Variants in ST18 observed in about 807,000 individuals in gnomAD.
ST18 encodes suppression of tumorigenicity 18 protein.
In ST18, 50 loss-of-function variants were observed where a neutral mutation model predicts 110.0. The observed-to-expected ratio is 0.45, with a 90% confidence interval of 0.36 to 0.58. ST18 has a LOEUF of 0.58. Ranked by LOEUF, ST18 falls within the 20% of genes least tolerant of loss-of-function variation. The pLI, the probability that ST18 is intolerant of heterozygous loss-of-function variation, is 0.00. For synonymous variants in ST18, 461 were observed against 452.4 expected (o/e 1.02, Z -0.24); for missense variants, 1,306 against 1,280.1 (o/e 1.02, Z -0.31).
rs756214451 is a variant in ST18 at position 52,309,520 on chromosome 8, C to CAAAAA, written c.-464-79448_-464-79444dup. ...TGGGCAACAGAGCAAGACTCCATCTCAAAAAAAAAAAAAAAAAAAAAAAAG... is the reference window on the plus strand; with the variant it reads ...TGGGCAACAGAGCAAGACTCCATCTCAAAAAAAAAAAAAAAAAAAAAAAAAAAAAG... On this transcript the variant is annotated intron_variant, in intron 2 of 25. Coordinates refer to ENST00000689386, the MANE Select transcript of ST18 (RefSeq NM_001352837.2). 2.9e-3 allele frequency among the ~76,000 whole-genome samples: 108 copies of CAAAAA among 37,682 alleles called. 1 individual carries two copies. Among genetic ancestry groups the CAAAAA allele is most frequent in the African/African-American group, 4.4e-3 (46 of 10,424 alleles). The allele number at this position is 37,682 out of a possible 152,430, so 24.7% of individuals were successfully genotyped here.
chr8:52,390,335 C>T (rs1838867057), intron 2 of ST18, among the ~76,000 whole-genome samples: 1 of 152,076 alleles, frequency 6.6e-6, no homozygotes, highest in African/African-American at 2.4e-5. Flanking sequence ...ATGAAGCCAG[C>T]AGGTAAATCT....
chr8:52,325,373 C>A (rs1368714785), intron 2 of ST18, among the ~76,000 whole-genome samples: 1 of 152,180 alleles, frequency 6.6e-6, no homozygotes, highest in African/African-American at 2.4e-5. Context: ...TTATTCTCTA[C>A]TAAGAAATCT....
intron 2 of ST18, among the ~76,000 whole-genome samples, chr8:52,334,782 C>T (rs990694317): frequency 2.0e-5 from 3 of 152,126 alleles, no homozygotes; most frequent in South Asian, 4.1e-4. Context: ...AGGACTGGAT[C>T]GAACCAGCTC....
chr8:52,248,223 G>A (rs1199954112), intron 2 of ST18, among the ~76,000 whole-genome samples: 1 of 151,942 alleles, frequency 6.6e-6, no homozygotes, highest in Non-Finnish European at 1.5e-5. Flanking sequence ...TTCAGTATAA[G>A]TAATGAAAGT....
At chr8:52,129,500 G>A (rs1002054526) in intron 22 of ST18, among the ~76,000 whole-genome samples, 14 of 146,680 alleles carry the variant, frequency 9.5e-5, no homozygotes, top group Non-Finnish European at 1.9e-4. Flanking sequence ...ACAGAAAGGA[G>A]AGAGCATTCC....
intron 2 of ST18, among the ~76,000 whole-genome samples, chr8:52,372,795 G>A (rs191978416): frequency 1.3e-5 from 2 of 152,254 alleles, no homozygotes; most frequent in African/African-American, 4.8e-5. Flanking sequence ...CAACGACGAA[G>A]TCACCTAACA....
At chr8:52,132,643 T>C (rs2050154371) in intron 21 of ST18, among the ~76,000 whole-genome samples, 1 of 152,260 alleles carries the variant, frequency 6.6e-6, no homozygotes, top group Admixed American at 6.5e-5. Flanking sequence ...TTAGAACTGT[T>C]GTTGAGAAAA....
intron 2 of ST18, among the ~76,000 whole-genome samples, chr8:52,373,061 T>C (rs1007788563): frequency 2.0e-5 from 3 of 152,212 alleles, no homozygotes; most frequent in Admixed American, 1.3e-4. Context: ...GCCTCAGTTA[T>C]GAGGTCAGCA....
intron 15 of ST18, among the ~76,000 whole-genome samples, chr8:52,155,779 A>G (rs1371315556): frequency 6.6e-6 from 1 of 152,174 alleles, no homozygotes; most frequent in Non-Finnish European, 1.5e-5. Context: ...ACAAAGCACC[A>G]ATTCAGATTG....
intron 7 of ST18, among the ~76,000 whole-genome samples, chr8:52,212,451 G>A (rs993744244): frequency 1.3e-5 from 2 of 152,104 alleles, no homozygotes; most frequent in African/African-American, 4.8e-5. Flanking sequence ...TTATTCAAAA[G>A]GAATCCCAAG....
intron 3 of ST18, chr8:52,222,226 A>G (rs2087067118): frequency 1.3e-5 from 2 of 152,214 alleles, no homozygotes; most frequent in Admixed American, 1.3e-4. Context: ...GAGTTCCCTA[A>G]TGTCAAACTC....
At chr8:52,328,053 GAA>G (rs1807304225) in intron 2 of ST18, among the ~76,000 whole-genome samples, 1 of 152,182 alleles carries the variant, frequency 6.6e-6, no homozygotes, top group East Asian at 1.9e-4. Flanking sequence ...CTTAACTCAA[GAA>G]ACAAAGCCTA....
intron 14 of ST18, among the ~76,000 whole-genome samples, chr8:52,160,910 A>G (rs2061287534): frequency 6.6e-6 from 1 of 152,158 alleles, no homozygotes; most frequent in Admixed American, 6.5e-5. Flanking sequence ...TAGACTTCTC[A>G]CCTTCCCTTC....
rs2051449446 is a variant in ST18, at chr8:52,135,092, T to G, written c.2300+1498A>C. ...ATTTAAGAGACCCAATAGCTATAAT[T>G]AAGATGTGGCAATGTAGAAGTTTAG... On this transcript the variant is annotated intron_variant, in intron 19 of 25. Coordinates refer to ENST00000689386, the MANE Select transcript of ST18 (RefSeq NM_001352837.2). Among the ~76,000 whole-genome samples the G allele has an allele frequency of 2.0e-5, 3 of 152,200 alleles. No individual in the cohort carries two copies. The South Asian group carries it at 6.2e-4, about 31-fold the overall frequency.
rs116334791 is a variant in ST18 at position 52,178,149 on chromosome 8, C to G, written c.277+1973G>C. On this transcript the variant is annotated intron_variant, in intron 9 of 25. Transcript: ENST00000689386. ...CAAACTACAATAGAAGGTGACAAGTCAGTGAGCCAGATATAGTCTGTCTTC... is the reference window on the plus strand; with the variant it reads ...CAAACTACAATAGAAGGTGACAAGTGAGTGAGCCAGATATAGTCTGTCTTC... 6.1e-3 allele frequency among the ~76,000 whole-genome samples: 925 copies of G among 152,216 alleles called. 16 individuals carry two copies. The highest frequency in any genetic ancestry group is 0.021 in the African/African-American group (862 of 41,524).
chr8:52,305,647 G>T (rs1042058177), intron 2 of ST18, among the ~76,000 whole-genome samples: 2 of 152,188 alleles, frequency 1.3e-5, no homozygotes, highest in Non-Finnish European at 2.9e-5. Flanking sequence ...TCCAGATGCT[G>T]AGTGTGACAA....
chr8:52,200,357 T>C (rs2077544263), intron 8 of ST18, among the ~76,000 whole-genome samples: 1 of 152,164 alleles, frequency 6.6e-6, no homozygotes, highest in African/African-American at 2.4e-5. Flanking sequence ...CAAGGAGGCA[T>C]TGAGCAAAAA....
At chr8:52,264,795 A>G (rs1222441437) in intron 2 of ST18, among the ~76,000 whole-genome samples, 8 of 152,242 alleles carry the variant, frequency 5.3e-5, no homozygotes, top group African/African-American at 1.7e-4. Context: ...ATGCTCAAAG[A>G]GTTAAGAGAC....
At chr8:52,285,553 G>C (rs1050526171) in intron 2 of ST18, among the ~76,000 whole-genome samples, 5 of 152,132 alleles carry the variant, frequency 3.3e-5, no homozygotes, top group African/African-American at 1.2e-4. Context: ...AGCAAAAGGT[G>C]CTTCTAAGTC....
Sources: gnomAD v4.1 joint callset for allele counts (sites outside exome capture counted in the v4.1 genomes callset) on GRCh38, gnomAD v4.1.1 for gene constraint, MANE v1.5 for transcripts, NCBI Gene and HGNC (gene_info 2026-07-23, HGNC 2026-07-21) for gene names.